Variants in DNAJC24 observed in about 807,000 individuals in gnomAD.
The protein encoded by DNAJC24 is DnaJ heat shock protein family (Hsp40) member C24.
Under a neutral mutation model 18.0 loss-of-function variants are expected in DNAJC24, and 17 were observed. The observed-to-expected ratio is 0.94, with a 90% confidence interval of 0.65 to 1.42. The LOEUF (loss-of-function observed/expected upper bound fraction) is 1.42, where lower values mean the gene tolerates loss of function less well. Ranked by LOEUF, DNAJC24 falls within the 40% of genes most tolerant of loss-of-function variation. The probability of loss-of-function intolerance (pLI) is 0.00; values close to 1 mark genes in which losing one functional copy is unlikely to be tolerated. For missense variants in DNAJC24, 158 were observed against 175.6 expected (o/e 0.90, Z 0.57); for synonymous variants, 55 against 57.7 (o/e 0.95, Z 0.21).
At chr11:31,426,261 T>G in intron 3 of DNAJC24, 26 bp from the exon 4 acceptor site, 2 of 1,400,250 alleles carry the variant, frequency 1.4e-6, no homozygotes, top group African/African-American at 1.5e-5. Flanking sequence ...GTTTTACAAT[T>G]AAGTGTCATG....
rs869293205 is a variant in DNAJC24, at chr11:31,407,706, A to AATATAT, written c.112-7091_112-7086dup. Among the ~76,000 whole-genome samples the AATATAT allele has an allele frequency of 5.0e-3, 309 of 61,664 alleles. 8 individuals are homozygous for AATATAT. The highest frequency in any genetic ancestry group is 0.022 in the African/African-American group (251 of 11,270). The allele number at this position is 61,664 out of a possible 152,430, so 40.5% of individuals were successfully genotyped here. On this transcript the variant is annotated intron_variant, in intron 2 of 4. Transcript: ENST00000465995. ...TCTCAAAAAAAAAAAAAAAAAAAAA[A>AATATAT]ATATATATATATATATATAAAATTT...
At chr11:31,399,739 C>CTT (rs757871094) in intron 2 of DNAJC24, among the ~76,000 whole-genome samples, 24 of 97,050 alleles carry the variant, frequency 2.5e-4, no homozygotes, top group East Asian at 6.1e-4. Flanking sequence ...ACTGTTTTTT[C>CTT]TTTTTTTTTT....
At chr11:31,421,187 A>T (rs1411720671) in intron 3 of DNAJC24, among the ~76,000 whole-genome samples, 1 of 152,182 alleles carries the variant, frequency 6.6e-6, no homozygotes, top group East Asian at 1.9e-4. Flanking sequence ...AGGCATGTTA[A>T]AGACAAGGAA....
At chr11:31,415,179 C>A in intron 3 of DNAJC24, 1 of 409,828 alleles carries the variant, frequency 2.4e-6, no homozygotes, top group Non-Finnish European at 4.3e-6. Context: ...GCCTTGAAAG[C>A]TACTTTTTAT....
chr11:31,370,871 C>T lies in DNAJC24; in HGVS notation c.111+12C>T. ...AACTCATATTAATGGTAAGTCTTTT[C>T]TTTCAGATTTTAAATCATGAGGGGA... On this transcript the variant is annotated intron_variant, in intron 2 of 4. Transcript: ENST00000465995. 2 of 1,523,128 alleles carry T rather than the reference C, an allele frequency of 1.3e-6. No individual in the cohort carries two copies. The highest frequency in any genetic ancestry group is 3.4e-4 in the Middle Eastern group (2 of 5,804). The allele number at this position is 1,523,128 out of a possible 1,614,324, so 94.4% of individuals were successfully genotyped here.
intron 2 of DNAJC24, among the ~76,000 whole-genome samples, chr11:31,388,769 AATG>A (rs980165442): frequency 6.6e-6 from 1 of 152,214 alleles, no homozygotes; most frequent in Non-Finnish European, 1.5e-5. Flanking sequence ...AGAGAGAGTA[AATG>A]ATGAACCTAT....
chr11:31,416,682 G>A (rs917517615), intron 3 of DNAJC24: 1 of 152,086 alleles, frequency 6.6e-6, no homozygotes, highest in South Asian at 2.1e-4. Flanking sequence ...CTCTAAAGAG[G>A]TAGGGAGGGA....
intron 2 of DNAJC24, among the ~76,000 whole-genome samples, chr11:31,398,476 A>G (rs1564951768): frequency 6.6e-6 from 1 of 152,348 alleles, no homozygotes; most frequent in South Asian, 2.1e-4. Context: ...AGTTTTATTT[A>G]AAGAATATTT....
chr11:31,424,834 C>T (rs1952845231), intron 3 of DNAJC24, among the ~76,000 whole-genome samples: 1 of 151,930 alleles, frequency 6.6e-6, no homozygotes, highest in African/African-American at 2.4e-5. Flanking sequence ...CAGGCAGTTA[C>T]TAAATATAAT....
At chr11:31,401,206 A>T (rs1399702320) in intron 2 of DNAJC24, among the ~76,000 whole-genome samples, 1 of 152,228 alleles carries the variant, frequency 6.6e-6, no homozygotes. Flanking sequence ...ATGGTTGATT[A>T]TGAAAAAGTC....
At position 31,430,424 on chromosome 11, in the gene DNAJC24, T is replaced by C; in HGVS notation, c.*23T>C. ...TAAAATTGTTCACAACTTGAAATGC[T>C]TTAACTGTGGTATTGAGACATGATG... On this transcript the variant is annotated 3_prime_UTR_variant, in exon 5 of 5. Coordinates refer to ENST00000465995, the MANE Select transcript of DNAJC24 (RefSeq NM_181706.5). 6.3e-7 allele frequency: 1 copy of C among 1,594,972 alleles called. No individual in the cohort carries two copies. Among genetic ancestry groups the C allele is most frequent in the East Asian group, 2.2e-5 (1 of 44,448 alleles).
At position 31,430,917 on chromosome 11, in the gene DNAJC24, C is replaced by G. The variant is rs1952916366; in HGVS notation, c.*516C>G. ...TTCAAAGTTAATAAAGACAAAGTGG[C>G]AACTGTAGAAAGTGTTGCCTCCAAT... On this transcript the variant is annotated 3_prime_UTR_variant, in exon 5 of 5. Coordinates refer to ENST00000465995, the MANE Select transcript of DNAJC24 (RefSeq NM_181706.5). 1 of 152,564 alleles carries G rather than the reference C, an allele frequency of 6.6e-6. No individual in the cohort carries two copies. Among genetic ancestry groups the G allele is most frequent in the South Asian group, 2.1e-4 (1 of 4,830 alleles). 9.5% of individuals were successfully genotyped at this position (152,564 alleles called of 1,614,324 possible). A position where few individuals can be genotyped will look rare whatever the true frequency, so the allele number is the denominator to read the frequency against.
intron 2 of DNAJC24, among the ~76,000 whole-genome samples, chr11:31,402,990 G>A (rs952608504): frequency 9.2e-5 from 14 of 152,264 alleles, no homozygotes; most frequent in African/African-American, 1.7e-4. Context: ...CTGCAGCATC[G>A]TTATCTGGCA....
chr11:31,392,699 T>C, intron 2 of DNAJC24, among the ~76,000 whole-genome samples: 1 of 149,740 alleles, frequency 6.7e-6, no homozygotes, highest in African/African-American at 2.4e-5. Flanking sequence ...GAGAAATCCC[T>C]CACAATTTTC....
At chr11:31,417,767 C>T (rs1952763825) in intron 3 of DNAJC24, among the ~76,000 whole-genome samples, 2 of 151,972 alleles carry the variant, frequency 1.3e-5, no homozygotes, top group Admixed American at 1.3e-4. Context: ...AATGCTTTCT[C>T]GTGTTTCATA....
intron 2 of DNAJC24, among the ~76,000 whole-genome samples, chr11:31,379,109 A>G (rs1299773986): frequency 1.3e-5 from 2 of 151,774 alleles, no homozygotes; most frequent in East Asian, 3.9e-4. Context: ...TCTCTATTAT[A>G]TTTTCATTTG....
At chr11:31,392,175 G>C (rs1952503308) in intron 2 of DNAJC24, among the ~76,000 whole-genome samples, 1 of 152,080 alleles carries the variant, frequency 6.6e-6, no homozygotes, top group South Asian at 2.1e-4. Context: ...GAATGAGTAA[G>C]ATGTATTTGA....
At chr11:31,382,212 T>A (rs1429221530) in intron 2 of DNAJC24, among the ~76,000 whole-genome samples, 1 of 152,172 alleles carries the variant, frequency 6.6e-6, no homozygotes, top group African/African-American at 2.4e-5. Context: ...TATAGCACAG[T>A]AATTAAAAGT....
In DNAJC24 at chr11:31,426,340, ATGTCT is replaced by A; in HGVS notation, c.307_311del (p.Ser103GlufsTer2). 6.4e-7 allele frequency: 1 copy of A among 1,559,224 alleles called. No homozygotes were observed. Among genetic ancestry groups the A allele is most frequent in the Non-Finnish European group, 8.7e-7 (1 of 1,155,232 alleles). ...AGATGCTCAAGTATATCTTGAAGAA[ATGTCT>A]TGGAATGAAGGTTGGATTTTTTTTT... On this transcript the variant is annotated frameshift_variant, in exon 4 of 5. Transcript: ENST00000465995.
Sources: gnomAD v4.1 joint callset for allele counts (sites outside exome capture counted in the v4.1 genomes callset) on GRCh38, gnomAD v4.1.1 for gene constraint, MANE v1.5 for transcripts, NCBI Gene and HGNC (gene_info 2026-07-23, HGNC 2026-07-21) for gene names.